The following AGAP1 variants were observed in gnomAD, a reference collection of about 807,000 sequenced individuals.
The protein encoded by AGAP1 is ArfGAP with GTPase domain, ankyrin repeat and PH domain 1, also known as arf-GAP with GTPase, ANK repeat and PH domain-containing protein 1.
AGAP1 carries 29 observed loss-of-function variants against 105.3 expected under a neutral mutation model. The observed-to-expected ratio is 0.28, with a 90% CI of 0.21 to 0.38. AGAP1 has a LOEUF of 0.38. Ranked by LOEUF, AGAP1 falls within the 10% of genes least tolerant of loss-of-function variation. The pLI is 1.00. For missense variants in AGAP1, 998 were observed against 1,165.1 expected, an observed-to-expected ratio of 0.86 and a Z score of 2.09; for synonymous variants, 509 against 485.9, an observed-to-expected ratio of 1.05 and a Z score of -0.63.
Position 235,753,218 on chromosome 2 carries a change from TG to T in AGAP1, c.673+2735del, listed in dbSNP as rs1207715834. Among the ~76,000 whole-genome samples, 3 of 152,260 alleles carry T rather than the reference TG, an allele frequency of 2.0e-5. No individual in the cohort carries two copies. In the East Asian group the frequency reaches 5.8e-4, roughly 29 times the overall value. On this transcript the variant is annotated intron_variant, in intron 6 of 17. Transcript: ENST00000304032. The surrounding 1 kb of genome is among the most constrained non-coding windows in gnomAD (Gnocchi z 4.5). ...TGGAAGCATTTCGTTTTCTTCAGGT[TG>T]GGGGTGGCAAGAGGAGAATAAGGAC...
At chr2:235,548,367 A>G (rs889150669) in intron 1 of AGAP1, among the ~76,000 whole-genome samples, 1 of 152,170 alleles carries the variant, frequency 6.6e-6, no homozygotes, top group Non-Finnish European at 1.5e-5. Flanking sequence ...ACCTTCAGAA[A>G]TGCAACAATG....
rs1331393234 is a variant in AGAP1 at position 235,739,012 on chromosome 2, T to G, written c.311-1951T>G. Among the ~76,000 whole-genome samples, 1 of 152,224 alleles carries G rather than the reference T, an allele frequency of 6.6e-6. No individual in the cohort carries two copies. The highest frequency in any genetic ancestry group is 2.4e-5 in the African/African-American group (1 of 41,448). ...TGTCGTAAGCAGGCTTATTCAATGT[T>G]AAATACGACTTTTATTAAAGCAGGT... On this transcript the variant is annotated intron_variant, in intron 3 of 17. Coordinates refer to ENST00000304032, the MANE Select transcript of AGAP1 (RefSeq NM_001037131.3). This position sits in a 1 kb window ranked among gnomAD's most constrained non-coding sequence, Gnocchi z 5.3.
In AGAP1 at chr2:236,035,221, G is replaced by A. The variant is rs2057342693; in HGVS notation, c.1646-1340G>A. ...AAGTAAAGTGGTTGGCAGGCAGGTA[G>A]GTGAAAGTCAGTACTAATAATAGTT... On this transcript the variant is annotated intron_variant, in intron 13 of 17. Coordinates refer to ENST00000304032, the MANE Select transcript of AGAP1 (RefSeq NM_001037131.3). This position sits in a 1 kb window ranked among gnomAD's most constrained non-coding sequence, Gnocchi z 4.2. Among the ~76,000 whole-genome samples the A allele has an allele frequency of 6.6e-6, 1 of 152,198 alleles. No homozygotes were observed. The highest frequency in any genetic ancestry group is 1.5e-5 in the Non-Finnish European group (1 of 68,048).
chr2:235,810,105 A>G (rs1056742539), intron 9 of AGAP1, among the ~76,000 whole-genome samples: 1 of 152,220 alleles, frequency 6.6e-6, no homozygotes, highest in Non-Finnish European at 1.5e-5. Flanking sequence ...GCAAAGTTAC[A>G]TGTTTTAAAT....
chr2:235,813,489 G>A (rs541130209), intron 9 of AGAP1, among the ~76,000 whole-genome samples: 121 of 152,336 alleles, frequency 7.9e-4, no homozygotes, highest in African/African-American at 2.8e-3. Context: ...AACAGGAAAA[G>A]TTCCTTTATC....
chr2:235,778,220 T>G (rs902848420), intron 6 of AGAP1, among the ~76,000 whole-genome samples: 1 of 152,228 alleles, frequency 6.6e-6, no homozygotes, highest in Admixed American at 6.5e-5. Flanking sequence ...TATTGGTTCA[T>G]GTACCTTGTA....
rs558413424 is a variant in AGAP1, at chr2:235,814,674, TAGAC to T, written c.1050+7346_1050+7349del. ...CAAGGAGTGGTGAATTCTACTGAGT[TAGAC>T]AGGAGAGGGTGAGGGAAGGACAGGG... On this transcript the variant is annotated intron_variant, in intron 9 of 17. Coordinates refer to ENST00000304032, the MANE Select transcript of AGAP1 (RefSeq NM_001037131.3). Among the ~76,000 whole-genome samples, 334 of 152,118 alleles carry T rather than the reference TAGAC, an allele frequency of 2.2e-3. 1 individual carries two copies. Among genetic ancestry groups the T allele is most frequent in the African/African-American group, 7.1e-3 (293 of 41,484 alleles).
chr2:236,093,705 T>C (rs1341589418), intron 16 of AGAP1, among the ~76,000 whole-genome samples: 1 of 152,090 alleles, frequency 6.6e-6, no homozygotes, highest in Non-Finnish European at 1.5e-5. Flanking sequence ...ATGGACCACA[T>C]ATCAGTGGCT....
At chr2:235,803,809 G>T (rs913230784) in intron 8 of AGAP1, among the ~76,000 whole-genome samples, 9 of 152,108 alleles carry the variant, frequency 5.9e-5, no homozygotes, top group African/African-American at 2.2e-4. Flanking sequence ...TACATTTGCA[G>T]TAGGAATTCT....
Position 236,061,016 on chromosome 2 carries a change from T to C in AGAP1, c.2114+11735T>C, listed in dbSNP as rs529089700. On this transcript the variant is annotated intron_variant, in intron 16 of 17. Coordinates refer to ENST00000304032, the MANE Select transcript of AGAP1 (RefSeq NM_001037131.3). The surrounding 1 kb of genome is among the most constrained non-coding windows in gnomAD (Gnocchi z 4.1). Reference sequence around the variant, plus strand: ...AGTTTGAGGTTGCAGTGAGCCGTTATCACGTCACTCCACTCTAGCCTGGAT... The same window carrying C: ...AGTTTGAGGTTGCAGTGAGCCGTTACCACGTCACTCCACTCTAGCCTGGAT... Among the ~76,000 whole-genome samples, 2 of 152,338 alleles carry C rather than the reference T, an allele frequency of 1.3e-5. No homozygotes were observed. Among genetic ancestry groups the C allele is most frequent in the South Asian group, 4.1e-4 (2 of 4,826 alleles).
rs557678858 is a variant in AGAP1, at chr2:235,981,784, G to A, written c.1645+13161G>A. Among the ~76,000 whole-genome samples, 128 of 152,242 alleles carry A rather than the reference G, an allele frequency of 8.4e-4. No individual in the cohort carries two copies. The highest frequency in any genetic ancestry group is 1.0e-3 in the Non-Finnish European group (71 of 68,022). ...AAGTAACTTGCTCAAGGCCATAGAC[G>A]TAGAAAGCAGCGATAGGGCCACCGA... On this transcript the variant is annotated intron_variant, in intron 13 of 17. Coordinates refer to ENST00000304032, the MANE Select transcript of AGAP1 (RefSeq NM_001037131.3). The surrounding 1 kb of genome is among the most constrained non-coding windows in gnomAD (Gnocchi z 5.5).
intron 1 of AGAP1, among the ~76,000 whole-genome samples, chr2:235,673,603 GC>G (rs561505127): frequency 1.3e-5 from 2 of 152,132 alleles, no homozygotes; most frequent in Non-Finnish European, 2.9e-5. Context: ...GTCTGGTTTT[GC>G]CACCAAAGTA....
At chr2:235,898,474 C>G in intron 10 of AGAP1, among the ~76,000 whole-genome samples, 1 of 51,950 alleles carries the variant, frequency 1.9e-5, no homozygotes, top group African/African-American at 5.5e-5. Context: ...GGACAGGTTC[C>G]CCCCCCCACC....
At chr2:235,817,181 C>T (rs969764714) in intron 9 of AGAP1, among the ~76,000 whole-genome samples, 9 of 152,086 alleles carry the variant, frequency 5.9e-5, no homozygotes, top group African/African-American at 1.4e-4. Context: ...CTTGGCATGG[C>T]TCTTAGACCA....
Position 235,662,692 on chromosome 2 carries a change from G to A in AGAP1, c.164-46487G>A, listed in dbSNP as rs1948001286. ...TGGCCGAAGTTGGTGATTTTGAACA[G>A]AGGAAAGATAGCACAGTGTCATAAC... is the stretch of plus-strand genomic sequence containing the variant. On this transcript the variant is annotated intron_variant, in intron 1 of 17. Coordinates refer to ENST00000304032, the MANE Select transcript of AGAP1 (RefSeq NM_001037131.3). The surrounding 1 kb of genome is among the most constrained non-coding windows in gnomAD (Gnocchi z 4.2). Among the ~76,000 whole-genome samples the A allele has an allele frequency of 1.3e-5, 2 of 152,062 alleles. No homozygotes were observed. Among genetic ancestry groups the A allele is most frequent in the Admixed American group, 6.6e-5 (1 of 15,264 alleles).
chr2:235,553,917 G>T lies in AGAP1; in HGVS notation c.163+59068G>T, dbSNP rs185889172. On this transcript the variant is annotated intron_variant, in intron 1 of 17. Coordinates refer to ENST00000304032, the MANE Select transcript of AGAP1 (RefSeq NM_001037131.3). The surrounding 1 kb of genome is among the most constrained non-coding windows in gnomAD (Gnocchi z 4.5). The stretch of plus-strand genomic sequence containing the variant: ...TTGCCTCCGCCTCCCACCCCACCCC[G>T]TGGTGCGGCGTGTGCCAAGACCAGC... Among the ~76,000 whole-genome samples the T allele has an allele frequency of 1.3e-5, 2 of 152,334 alleles. No homozygotes were observed. The highest frequency in any genetic ancestry group is 3.9e-4 in the East Asian group (2 of 5,178).
Position 235,754,960 on chromosome 2 carries a change from G to A in AGAP1, c.673+4472G>A, listed in dbSNP as rs1953793044. ...AGCGTTCTCGCTCCTGCTCACAGGC[G>A]AGTTTGTGTGGCTTGCGGGGCTGGG... On this transcript the variant is annotated intron_variant, in intron 6 of 17. Transcript: ENST00000304032. This position sits in a 1 kb window ranked among gnomAD's most constrained non-coding sequence, Gnocchi z 4.6. Among the ~76,000 whole-genome samples the A allele has an allele frequency of 6.6e-6, 1 of 152,236 alleles. No homozygotes were observed.
At chr2:235,598,487 G>C (rs1431680738) in intron 1 of AGAP1, among the ~76,000 whole-genome samples, 1 of 152,182 alleles carries the variant, frequency 6.6e-6, no homozygotes, top group Non-Finnish European at 1.5e-5. Flanking sequence ...TGGGAAACTT[G>C]GTTGCATTGT....
At chr2:235,868,342 C>T (rs769597284) in intron 9 of AGAP1, among the ~76,000 whole-genome samples, 4 of 152,194 alleles carry the variant, frequency 2.6e-5, no homozygotes, top group Non-Finnish European at 5.9e-5. Flanking sequence ...TGCGAAATCA[C>T]ACGTGCACCG....
Sources: allele counts gnomAD v4.1 joint callset (sites outside exome capture counted in the v4.1 genomes callset), GRCh38; gene constraint gnomAD v4.1.1; non-coding constraint Gnocchi (gnomAD v3.1); transcripts MANE v1.5; gene names NCBI Gene and HGNC (gene_info 2026-07-23, HGNC 2026-07-21).